The following TXNDC12 variants were observed in gnomAD, a reference collection of about 807,000 sequenced individuals.
TXNDC12 encodes the protein thioredoxin domain containing 12.
TXNDC12 carries 22 observed loss-of-function variants against 24.2 expected under a neutral mutation model. The ratio of observed to expected loss-of-function variants is 0.91; its 90% CI spans 0.65 to 1.30. The LOEUF (loss-of-function observed/expected upper bound fraction) is 1.30, where lower values mean the gene tolerates loss of function less well. Among genes scored for constraint, TXNDC12 ranks in the 50% most tolerant of loss-of-function variants. TXNDC12 has a pLI of 0.00. For missense variants in TXNDC12, 184 were observed against 205.8 expected (o/e 0.89, Z 0.65); for synonymous variants, 58 against 73.4 (o/e 0.79, Z 1.07).
intron 1 of TXNDC12, among the ~76,000 whole-genome samples, chr1:52,045,839 C>A (rs868140741): frequency 4.6e-5 from 7 of 152,130 alleles, no homozygotes; most frequent in Admixed American, 2.6e-4. Flanking sequence ...TCCCTCACAG[C>A]CCTCAGAAAA....
rs575220560 is a variant in TXNDC12 at position 52,044,974 on chromosome 1, C to CAA, written c.98-3379_98-3378dup. Among the ~76,000 whole-genome samples, 3 of 105,970 alleles carry CAA rather than the reference C, an allele frequency of 2.8e-5. No homozygotes were observed. In the Admixed American group the frequency reaches 3.1e-4, roughly 11 times the overall value. The allele number at this position is 105,970 out of a possible 152,430, so 69.5% of individuals were successfully genotyped here. ...TGGGTGACAGAGCAAGACTCTGTCT[C>CAA]AAAAAAAAAAAAAGAAAGTCAAATC... On this transcript the variant is annotated intron_variant, in intron 1 of 6. Transcript: ENST00000371626.
intron 2 of TXNDC12, among the ~76,000 whole-genome samples, chr1:52,036,852 A>T (rs953964209): frequency 2.0e-5 from 3 of 152,206 alleles, no homozygotes; most frequent in Non-Finnish European, 4.4e-5. Flanking sequence ...CCAAGATCAT[A>T]TCTTAAAACC....
chr1:52,055,672 G>A (rs1028889309), upstream of TXNDC12: 1 of 153,164 alleles, frequency 6.5e-6, no homozygotes, highest in Non-Finnish European at 1.5e-5. Context: ...GCGGTGCGTG[G>A]GCTCGTGCCG....
chr1:52,054,393 C>A (rs1248393040), intron 1 of TXNDC12, among the ~76,000 whole-genome samples: 2 of 152,158 alleles, frequency 1.3e-5, no homozygotes, highest in Non-Finnish European at 2.9e-5. Flanking sequence ...GGGGGCCACA[C>A]CTCCTAACCT....
In TXNDC12 at chr1:52,027,291, A is replaced by C. The variant is rs780702440; in HGVS notation, c.269T>G (p.Val90Gly). 6.2e-7 allele frequency: 1 copy of C among 1,612,884 alleles called. No homozygotes were observed. Among genetic ancestry groups the C allele is most frequent in the Non-Finnish European group, 8.5e-7 (1 of 1,179,102 alleles). Residue 90 changes from valine to glycine, a missense_variant, in exon 4 of 7, where the codon GTT becomes GGT. Val to Gly is a moderately radical substitution (Grantham distance 109). Transcript: ENST00000371626. ...AAGTCTTACCTCAAGATTTACCATA[A>C]CAAAATTATGGGAGAGTTCTGAAAT... is the stretch of plus-strand genomic sequence containing the variant. ...TEISELSHNF[V>G]MVNLEDEEEP...
intron 1 of TXNDC12, among the ~76,000 whole-genome samples, chr1:52,048,866 A>AT (rs34119456): frequency 0.047 from 7,076 of 152,056 alleles, 221 homozygotes; most frequent in East Asian, 0.13. Context: ...CAAAAAAATA[A>AT]TAATTAATTA....
At chr1:52,052,867 A>G (rs188682250) in intron 1 of TXNDC12, among the ~76,000 whole-genome samples, 21 of 152,300 alleles carry the variant, frequency 1.4e-4, no homozygotes, top group African/African-American at 4.3e-4. Context: ...TATGATGCCC[A>G]TTTTGCAGAT....
At chr1:52,046,904 A>G (rs1177615079) in intron 1 of TXNDC12, among the ~76,000 whole-genome samples, 1 of 147,818 alleles carries the variant, frequency 6.8e-6, no homozygotes, top group Non-Finnish European at 1.5e-5. Flanking sequence ...TTAGCCGGGT[A>G]TGGTGGCACA....
At chr1:52,040,770 T>TGC (rs1685971956) in intron 2 of TXNDC12, among the ~76,000 whole-genome samples, 1 of 148,216 alleles carries the variant, frequency 6.7e-6, no homozygotes, top group Non-Finnish European at 1.5e-5. Context: ...GTGGCTCACA[T>TGC]CTGTAATCCC....
intron 1 of TXNDC12, among the ~76,000 whole-genome samples, chr1:52,044,590 C>G (rs1409391269): frequency 6.6e-6 from 1 of 152,182 alleles, no homozygotes; most frequent in Non-Finnish European, 1.5e-5. Flanking sequence ...TTAGAATTAT[C>G]AGCCACAAAA....
intron 6 of TXNDC12, among the ~76,000 whole-genome samples, chr1:52,021,962 T>C (rs533448616): frequency 1.3e-5 from 2 of 152,270 alleles, no homozygotes; most frequent in South Asian, 4.2e-4. Flanking sequence ...ACAGCAGTGG[T>C]AACTTGGATG....
At chr1:52,033,923 G>C (rs928639436) in intron 2 of TXNDC12, 6 of 1,430,136 alleles carry the variant, frequency 4.2e-6, no homozygotes, top group Non-Finnish European at 5.5e-6. Flanking sequence ...CTAGGCCCAG[G>C]TTCAGCTTTC....
chr1:52,028,959 C>G (rs1685712985), intron 2 of TXNDC12, among the ~76,000 whole-genome samples: 1 of 152,078 alleles, frequency 6.6e-6, no homozygotes, highest in African/African-American at 2.4e-5. Context: ...AAAACCCTGT[C>G]TCCACTAAAA....
At chr1:52,032,909 A>T in intron 2 of TXNDC12, 2 of 1,612,304 alleles carry the variant, frequency 1.2e-6, no homozygotes, top group Non-Finnish European at 1.7e-6. Context: ...GCTTCCATCA[A>T]TCCGGCCAGT....
At chr1:52,050,097 G>A (rs1686171860) in intron 1 of TXNDC12, among the ~76,000 whole-genome samples, 2 of 152,160 alleles carry the variant, frequency 1.3e-5, no homozygotes, top group Non-Finnish European at 2.9e-5. Flanking sequence ...AGGGTCTGTA[G>A]TTAACAACCA....
At chr1:52,055,676 C>A (rs1558001426), upstream of TXNDC12, 2 of 152,920 alleles carry the variant, frequency 1.3e-5, no homozygotes. Flanking sequence ...TGCGTGGGCT[C>A]GTGCCGTGCA....
intron 2 of TXNDC12, chr1:52,033,692 C>A: frequency 1.9e-6 from 3 of 1,611,204 alleles, no homozygotes; most frequent in Non-Finnish European, 2.5e-6. Flanking sequence ...GCAGCCAGCG[C>A]CACGCGCAAC....
At chr1:52,032,423 G>C in intron 2 of TXNDC12, 1 of 1,198,914 alleles carries the variant, frequency 8.3e-7, no homozygotes, top group Non-Finnish European at 1.0e-6. Flanking sequence ...GCCCAAGTAG[G>C]ATCCAATCTA....
chr1:52,039,390 G>A (rs560061144), intron 2 of TXNDC12, among the ~76,000 whole-genome samples: 3 of 151,872 alleles, frequency 2.0e-5, no homozygotes, highest in Admixed American at 6.6e-5. Flanking sequence ...GTGCAATGGC[G>A]TGATCTTGGC....
Sources: allele counts gnomAD v4.1 joint callset (sites outside exome capture counted in the v4.1 genomes callset), GRCh38; gene constraint gnomAD v4.1.1; transcripts MANE v1.5; gene names NCBI Gene and HGNC (gene_info 2026-07-23, HGNC 2026-07-21).